The following INTS6 variants were observed in gnomAD, a reference collection of about 807,000 sequenced individuals.
The protein encoded by INTS6 is DEAD box protein.
Under a neutral mutation model 104.9 loss-of-function variants are expected in INTS6, and 16 were observed. That is an observed-to-expected ratio of 0.15 (90% CI 0.10 to 0.23). The LOEUF is 0.23. INTS6 is among the 10% of genes least tolerant of loss of function. The pLI, the probability that INTS6 is intolerant of heterozygous loss-of-function variation, is 1.00. For synonymous variants in INTS6, 324 were observed against 358.7 expected (o/e 0.90, Z 1.09); for missense variants, 584 against 1,062.8 (o/e 0.55, Z 6.26).
rs1325017538 is a variant in INTS6 at position 51,452,488 on chromosome 13, G to A, written c.38C>T (p.Ser13Phe). 1 of 1,611,990 alleles carries A rather than the reference G, an allele frequency of 6.2e-7. No individual in the cohort carries two copies. The highest frequency in any genetic ancestry group is 8.5e-7 in the Non-Finnish European group (1 of 1,178,740). ...GCCCAGATGGCTGCGCTGGTTCATA[G>A]AGGCAGACGTGTCTATCAGGAACAG... ...ILLFLIDTSASMNQRSHLGTT... is the reference protein window; with the variant it reads ...ILLFLIDTSAFMNQRSHLGTT... The change falls in exon 1 of 18, where the codon TCT (serine) becomes TTT (phenylalanine). Residue 13 changes from serine (S) to phenylalanine (F), a missense_variant. Physicochemically the swap from Ser to Phe is radical, Grantham distance 155. Coordinates refer to ENST00000311234, the MANE Select transcript of INTS6 (RefSeq NM_012141.3). The surrounding 1 kb of genome is among the most constrained non-coding windows in gnomAD (Gnocchi z 4.2).
downstream of INTS6, among the ~76,000 whole-genome samples, chr13:51,358,842 C>T (rs1955519697): frequency 6.6e-6 from 1 of 152,016 alleles, no homozygotes; most frequent in Admixed American, 6.6e-5. Context: ...ATTGTAGGAG[C>T]AAGCGAGTTT....
Position 51,387,731 on chromosome 13 carries a change from C to T in INTS6, c.740-191G>A, listed in dbSNP as rs565735968. ...TTAGACTAGATTGTAATTCATTAGACAATAAGTACAAATTCCAACTATGAG... is the reference window on the plus strand; with the variant it reads ...TTAGACTAGATTGTAATTCATTAGATAATAAGTACAAATTCCAACTATGAG... On this transcript the variant is annotated intron_variant, in intron 6 of 17. Transcript: ENST00000311234. Among the ~76,000 whole-genome samples the T allele has an allele frequency of 5.3e-5, 8 of 152,272 alleles. No homozygotes were observed. In the South Asian group the frequency reaches 1.7e-3, roughly 32 times the overall value.
chr13:51,356,896 G>A (rs147145675), downstream of INTS6, among the ~76,000 whole-genome samples: 17 of 151,934 alleles, frequency 1.1e-4, no homozygotes, highest in East Asian at 3.3e-3. Flanking sequence ...CATGTGCCAA[G>A]TATGAAGCTT....
chr13:51,394,313 T>C (rs907039183), intron 5 of INTS6, among the ~76,000 whole-genome samples: 3 of 152,206 alleles, frequency 2.0e-5, no homozygotes, highest in African/African-American at 4.8e-5. Flanking sequence ...TTTAATGACA[T>C]GAATAACAGC....
At chr13:51,381,747 G>A (rs1478210133) in intron 10 of INTS6, among the ~76,000 whole-genome samples, 1 of 147,992 alleles carries the variant, frequency 6.8e-6, no homozygotes, top group Non-Finnish European at 1.5e-5. Context: ...TGCCCAGGCT[G>A]GATGGAGTGC....
chr13:51,360,600 T>C (rs1449876979), downstream of INTS6, among the ~76,000 whole-genome samples: 1 of 152,106 alleles, frequency 6.6e-6, no homozygotes, highest in African/African-American at 2.4e-5. Flanking sequence ...ACTTATAATC[T>C]GTGAAACTGT....
downstream of INTS6, chr13:51,361,183 A>G (rs1435875681): frequency 2.4e-6 from 2 of 828,188 alleles, no homozygotes; most frequent in African/African-American, 3.4e-5. Flanking sequence ...ATTGGATACT[A>G]TAAATTTTGT....
chr13:51,423,327 G>GGTGT (rs149373052), intron 4 of INTS6, among the ~76,000 whole-genome samples: 1 of 150,610 alleles, frequency 6.6e-6, no homozygotes, highest in African/African-American at 2.4e-5. Flanking sequence ...TAAGGTAGGG[G>GGTGT]GTGTGTGTGT....
the INTS6 span, chr13:51,348,181 C>G: frequency 6.6e-7 from 1 of 1,515,874 alleles, no homozygotes; most frequent in Non-Finnish European, 9.0e-7. Context: ...GCTCCTGGGA[C>G]AGAGCTGACC....
rs561741198 is a variant in INTS6 at position 51,390,346 on chromosome 13, GAAGT to G, written c.614-906_614-903del. Among the ~76,000 whole-genome samples the G allele has an allele frequency of 6.8e-3, 1,038 of 151,762 alleles. 4 individuals are homozygous for G. The highest frequency in any genetic ancestry group is 9.8e-3 in the Non-Finnish European group (662 of 67,782). On this transcript the variant is annotated intron_variant, in intron 5 of 17. Coordinates refer to ENST00000311234, the MANE Select transcript of INTS6 (RefSeq NM_012141.3). The stretch of plus-strand genomic sequence containing the variant: ...AATTTTAAAATATCAATCTCACACT[GAAGT>G]AATAAGGATATATTGATTTAAATAA...
intron 4 of INTS6, among the ~76,000 whole-genome samples, chr13:51,418,034 T>C (rs1956824875): frequency 6.6e-6 from 1 of 152,216 alleles, no homozygotes; most frequent in Admixed American, 6.5e-5. Flanking sequence ...CGTCACAGAA[T>C]TGAGAATTAC....
chr13:51,430,429 C>A, intron 3 of INTS6, 46 bp from the exon 4 acceptor site: 2 of 1,475,554 alleles, frequency 1.4e-6, no homozygotes, highest in Non-Finnish European at 9.3e-7. Context: ...TAGACTTTGG[C>A]TTACAAAGTA....
chr13:51,361,877 G>C lies in INTS6; in HGVS notation c.*3875C>G. ...CAGATCGGCCATTCATCTATTTCCT[G>C]AGAGAACCTAACACAGGTATTACAG... On this transcript the variant is annotated 3_prime_UTR_variant, in exon 18 of 18. Transcript: ENST00000311234. The C allele has an allele frequency of 1.2e-6, 2 of 1,611,724 alleles. No individual in the cohort carries two copies. Among genetic ancestry groups the C allele is most frequent in the Non-Finnish European group, 1.7e-6 (2 of 1,178,614 alleles).
intron 4 of INTS6, among the ~76,000 whole-genome samples, chr13:51,405,765 T>C (rs1300083083): frequency 6.6e-6 from 1 of 152,126 alleles, no homozygotes; most frequent in African/African-American, 2.4e-5. Context: ...CCCAGAAAAC[T>C]GGCAGCACCA....
At chr13:51,335,125 C>T in the INTS6 span, among the ~76,000 whole-genome samples, 1 of 151,970 alleles carries the variant, frequency 6.6e-6, no homozygotes, top group South Asian at 2.1e-4. Context: ...AGAGAAGGGT[C>T]ACTACACATC....
chr13:51,426,904 A>G (rs191248552), intron 4 of INTS6, among the ~76,000 whole-genome samples: 9 of 152,278 alleles, frequency 5.9e-5, no homozygotes, highest in African/African-American at 2.2e-4. Context: ...TGTCTTTGGA[A>G]TTGATAAATT....
chr13:51,413,074 T>C (rs560441090), intron 4 of INTS6, among the ~76,000 whole-genome samples: 10 of 152,304 alleles, frequency 6.6e-5, no homozygotes, highest in African/African-American at 2.4e-4. Context: ...GGTATAATGG[T>C]AATCAAAAAG....
rs796699032 is a variant in INTS6 at position 51,450,611 on chromosome 13, CAACA to C, written c.339+410_339+413del. ...AACATGGTCACATTAAACCCTGATG[CAACA>C]AACAGATTAATTTCCTCTAACATCT... On this transcript the variant is annotated intron_variant, in intron 3 of 17. Transcript: ENST00000311234. 6.0e-5 allele frequency: 59 copies of C among 986,128 alleles called. No individual in the cohort carries two copies. In the African/African-American group the frequency reaches 7.1e-4, roughly 12 times the overall value. The allele number at this position is 986,128 out of a possible 1,614,324, so 61.1% of individuals were successfully genotyped here.
At chr13:51,408,723 C>T (rs1956624039) in intron 4 of INTS6, among the ~76,000 whole-genome samples, 1 of 152,080 alleles carries the variant, frequency 6.6e-6, no homozygotes, top group South Asian at 2.1e-4. Context: ...TTGACCACAC[C>T]AAATATTGCC....
Sources: gnomAD v4.1 joint callset for allele counts (sites outside exome capture counted in the v4.1 genomes callset) on GRCh38, gnomAD v4.1.1 for gene constraint, Gnocchi (gnomAD v3.1) non-coding constraint, MANE v1.5 for transcripts, NCBI Gene and HGNC (gene_info 2026-07-23, HGNC 2026-07-21) for gene names.